The following FAM219A variants were observed in gnomAD, a reference collection of about 807,000 sequenced individuals.
FAM219A encodes the protein protein FAM219A.
In FAM219A, 7 loss-of-function variants were observed where a neutral mutation model predicts 23.4. That is an observed-to-expected ratio of 0.30 (90% CI 0.17 to 0.56). FAM219A has a LOEUF of 0.56. Ranked by LOEUF, FAM219A falls within the 20% of genes least tolerant of loss-of-function variation. The pLI is 0.92. For missense variants in FAM219A, 166 were observed against 246.9 expected, an observed-to-expected ratio of 0.67 and a Z score of 2.20; for synonymous variants, 93 against 99.0, an observed-to-expected ratio of 0.94 and a Z score of 0.36.
At chr9:34,415,292 A>C (rs889640953) in intron 1 of FAM219A, among the ~76,000 whole-genome samples, 2 of 152,204 alleles carry the variant, frequency 1.3e-5, no homozygotes, top group African/African-American at 2.4e-5. Context: ...TGGGAGCTCC[A>C]ACTGGTCTTG....
intron 1 of FAM219A, among the ~76,000 whole-genome samples, chr9:34,423,211 G>A (rs12340010): frequency 3.7e-4 from 57 of 152,276 alleles, no homozygotes; most frequent in African/African-American, 1.3e-3. Context: ...AAGCCAGTGA[G>A]TGAAGCAAGT....
At chr9:34,454,095 A>C (rs1329797067) in intron 1 of FAM219A, among the ~76,000 whole-genome samples, 2 of 152,184 alleles carry the variant, frequency 1.3e-5, no homozygotes, top group Non-Finnish European at 2.9e-5. Flanking sequence ...ATACAGCAGG[A>C]ATGGAGTCCA....
At chr9:34,434,501 C>G (rs1330682290) in intron 1 of FAM219A, among the ~76,000 whole-genome samples, 2 of 152,080 alleles carry the variant, frequency 1.3e-5, no homozygotes, top group African/African-American at 2.4e-5. Flanking sequence ...CCCTATAAAG[C>G]TGAGTAACTC....
chr9:34,421,776 G>T (rs1457502398), intron 1 of FAM219A, among the ~76,000 whole-genome samples: 3 of 149,858 alleles, frequency 2.0e-5, no homozygotes, highest in Non-Finnish European at 3.0e-5. Flanking sequence ...CACCCCTGCT[G>T]AACCCATCTG....
intron 1 of FAM219A, among the ~76,000 whole-genome samples, chr9:34,452,174 G>C (rs1439818131): frequency 6.6e-6 from 1 of 152,214 alleles, no homozygotes; most frequent in Non-Finnish European, 1.5e-5. Flanking sequence ...GGTTGCAGGG[G>C]AGAAGTATTC....
At chr9:34,437,762 G>A (rs1487544281) in intron 1 of FAM219A, among the ~76,000 whole-genome samples, 1 of 152,254 alleles carries the variant, frequency 6.6e-6, no homozygotes, top group Non-Finnish European at 1.5e-5. Flanking sequence ...ACAGCGTGCT[G>A]GCAGTCCTCA....
rs1223254357 is a variant in FAM219A, at chr9:34,417,881, A to G, written c.61-11917T>C. Among the ~76,000 whole-genome samples the G allele has an allele frequency of 6.6e-6, 1 of 152,218 alleles. No homozygotes were observed. Among genetic ancestry groups the G allele is most frequent in the Admixed American group, 6.5e-5 (1 of 15,284 alleles). ...GAACAAAAGGAGGGAAGACTCTTACACTGAAGACTGGGAAGGGCTTTAAGT... is the reference window on the plus strand; with the variant it reads ...GAACAAAAGGAGGGAAGACTCTTACGCTGAAGACTGGGAAGGGCTTTAAGT... On this transcript the variant is annotated intron_variant, in intron 1 of 5. Coordinates refer to ENST00000651358, the MANE Select transcript of FAM219A (RefSeq NM_001184940.2). This position sits in a 1 kb window ranked among gnomAD's most constrained non-coding sequence, Gnocchi z 4.1.
chr9:34,406,257 A>G (rs1363403655), intron 1 of FAM219A: 1 of 979,162 alleles, frequency 1.0e-6, no homozygotes, highest in Admixed American at 6.2e-5. Flanking sequence ...ATTTCTTTAA[A>G]CTCACAGGAC....
At chr9:34,408,434 A>G (rs1821717304) in intron 1 of FAM219A, among the ~76,000 whole-genome samples, 1 of 152,242 alleles carries the variant, frequency 6.6e-6, no homozygotes, top group Non-Finnish European at 1.5e-5. Flanking sequence ...GCCAGAGGGA[A>G]GGCTTTTTAA....
At chr9:34,440,619 G>A (rs550874551) in intron 1 of FAM219A, among the ~76,000 whole-genome samples, 18 of 152,158 alleles carry the variant, frequency 1.2e-4, no homozygotes, top group African/African-American at 4.3e-4. Context: ...GGAAGGCCGA[G>A]GCGGGCGGAT....
chr9:34,452,256 G>A (rs576673102), intron 1 of FAM219A, among the ~76,000 whole-genome samples: 1 of 152,262 alleles, frequency 6.6e-6, no homozygotes, highest in South Asian at 2.1e-4. Flanking sequence ...CTGACCTTTG[G>A]TTTTCTAGGA....
intron 1 of FAM219A, among the ~76,000 whole-genome samples, chr9:34,415,117 C>T (rs1423801677): frequency 2.8e-5 from 2 of 72,298 alleles, no homozygotes; most frequent in Non-Finnish European, 6.8e-5. Context: ...CTATGCCTGG[C>T]TAAATTTTTT....
In FAM219A at chr9:34,458,370, C is replaced by T; in HGVS notation, c.-107G>A. 1 of 742,978 alleles carries T rather than the reference C, an allele frequency of 1.3e-6. No homozygotes were observed. The highest frequency in any genetic ancestry group is 4.4e-5 in the East Asian group (1 of 22,724). The allele number at this position is 742,978 out of a possible 1,614,324, so 46.0% of individuals were successfully genotyped here. On this transcript the variant is annotated 5_prime_UTR_variant, in exon 1 of 6. Transcript: ENST00000651358. The surrounding 1 kb of genome is among the most constrained non-coding windows in gnomAD (Gnocchi z 6.6). ...CCGGCGGGTGGTGCAGACTAGGCCT[C>T]CCCGGACCACTCGGGCGGGCAGGGG...
At chr9:34,438,999 C>T (rs145601601) in intron 1 of FAM219A, among the ~76,000 whole-genome samples, 14 of 152,046 alleles carry the variant, frequency 9.2e-5, no homozygotes, top group East Asian at 3.9e-4. Flanking sequence ...CTGAAACCAG[C>T]GAGACCACGA....
intron 1 of FAM219A, among the ~76,000 whole-genome samples, chr9:34,454,696 G>C (rs1823670772): frequency 6.6e-6 from 1 of 152,124 alleles, no homozygotes; most frequent in African/African-American, 2.4e-5. Context: ...GCTTAAATTA[G>C]CACCTTGGAA....
rs1393497722 is a variant in FAM219A at position 34,457,948 on chromosome 9, C to A, written c.60+256G>T. Among the ~76,000 whole-genome samples, 1 of 152,248 alleles carries A rather than the reference C, an allele frequency of 6.6e-6. No individual in the cohort carries two copies. The highest frequency in any genetic ancestry group is 2.4e-5 in the African/African-American group (1 of 41,468). On this transcript the variant is annotated intron_variant, in intron 1 of 5. Transcript: ENST00000651358. This position sits in a 1 kb window ranked among gnomAD's most constrained non-coding sequence, Gnocchi z 5.1. ...CACTAGCGGTGTGCACCTTTGTGCC[C>A]CCTCCGTTCCATCCGACGGTGCCCT...
At chr9:34,444,364 G>A (rs1266227244) in intron 1 of FAM219A, among the ~76,000 whole-genome samples, 1 of 152,192 alleles carries the variant, frequency 6.6e-6, no homozygotes, top group Admixed American at 6.5e-5. Flanking sequence ...TTTCCTCCAA[G>A]ATCCCCAGAG....
At chr9:34,430,636 CAAAAAAAAAAAA>C (rs757627612) in intron 1 of FAM219A, among the ~76,000 whole-genome samples, 1 of 56,272 alleles carries the variant, frequency 1.8e-5, no homozygotes, top group Non-Finnish European at 3.3e-5. Context: ...GACTCCGTCT[CAAAAAAAAAAAA>C]AAAAAAAAAG....
intron 1 of FAM219A, among the ~76,000 whole-genome samples, chr9:34,446,993 T>A (rs1352780031): frequency 6.6e-6 from 1 of 152,218 alleles, no homozygotes; most frequent in Non-Finnish European, 1.5e-5. Flanking sequence ...AAGCTTTCTG[T>A]CCACTCAAGC....
Sources: allele counts gnomAD v4.1 joint callset (sites outside exome capture counted in the v4.1 genomes callset), GRCh38; gene constraint gnomAD v4.1.1; non-coding constraint Gnocchi (gnomAD v3.1); transcripts MANE v1.5; gene names NCBI Gene and HGNC (gene_info 2026-07-23, HGNC 2026-07-21).